CDH13: variants seen among roughly 807,000 people sequenced by gnomAD.
The protein encoded by CDH13 is cadherin-13.
Under a neutral mutation model 63.8 loss-of-function variants are expected in CDH13, and 24 were observed. The observed-to-expected ratio is 0.38, with a 90% CI of 0.27 to 0.53. CDH13 has a LOEUF of 0.53. Ranked by LOEUF, CDH13 falls within the 20% of genes least tolerant of loss-of-function variation. The pLI is 0.85. For synonymous variants in CDH13, 503 were observed against 355.3 expected, an observed-to-expected ratio of 1.42 and a Z score of -4.67; for missense variants, 1,049 against 903.1, an observed-to-expected ratio of 1.16 and a Z score of -2.07.
intron 10 of CDH13, among the ~76,000 whole-genome samples, chr16:83,683,454 T>G (rs1255710292): frequency 6.6e-6 from 1 of 152,222 alleles, no homozygotes; most frequent in African/African-American, 2.4e-5. Context: ...ATTCTGTTTT[T>G]CATTACCAAA....
intron 1 of CDH13, among the ~76,000 whole-genome samples, chr16:82,857,165 C>T (rs916199934): frequency 3.3e-5 from 5 of 152,196 alleles, no homozygotes; most frequent in African/African-American, 9.7e-5. Flanking sequence ...ATGCTGGCTT[C>T]ACCCATTCCA....
intron 7 of CDH13, among the ~76,000 whole-genome samples, chr16:83,535,483 G>C (rs556666778): frequency 6.6e-6 from 1 of 152,224 alleles, no homozygotes; most frequent in Non-Finnish European, 1.5e-5. Flanking sequence ...GCAAAGGTTA[G>C]TGTGTGACCG....
chr16:83,287,908 TA>T (rs1396169695), intron 5 of CDH13, among the ~76,000 whole-genome samples: 1 of 152,136 alleles, frequency 6.6e-6, no homozygotes, highest in Non-Finnish European at 1.5e-5. Flanking sequence ...CCATGAGAAG[TA>T]AAATGTTAAA....
At chr16:83,756,820 G>C (rs1913548294) in intron 11 of CDH13, among the ~76,000 whole-genome samples, 2 of 152,282 alleles carry the variant, frequency 1.3e-5, no homozygotes, top group Admixed American at 1.3e-4. Flanking sequence ...AAGAGAAGTA[G>C]ACAAATCTAC....
At chr16:83,091,279 A>G (rs1366300114) in intron 3 of CDH13, among the ~76,000 whole-genome samples, 1 of 151,982 alleles carries the variant, frequency 6.6e-6, no homozygotes, top group Non-Finnish European at 1.5e-5. Context: ...AGAAAAAAAA[A>G]AATTCCATGA....
chr16:83,215,469 A>T (rs923505109), intron 4 of CDH13, among the ~76,000 whole-genome samples: 1 of 148,438 alleles, frequency 6.7e-6, no homozygotes, highest in Non-Finnish European at 1.5e-5. Flanking sequence ...GTCAACACTC[A>T]GTGTATTTTA....
At chr16:83,080,012 C>A (rs558063457) in intron 3 of CDH13, among the ~76,000 whole-genome samples, 4 of 152,196 alleles carry the variant, frequency 2.6e-5, no homozygotes, top group Non-Finnish European at 4.4e-5. Context: ...ATAAAAATGA[C>A]ATATCTGTCT....
chr16:83,417,045 A>G (rs1014246439), intron 6 of CDH13, among the ~76,000 whole-genome samples: 1 of 152,234 alleles, frequency 6.6e-6, no homozygotes. Context: ...AGTGCTTTAC[A>G]GGGATTATTT....
intron 10 of CDH13, among the ~76,000 whole-genome samples, chr16:83,716,364 C>A (rs1260693207): frequency 2.0e-5 from 3 of 152,194 alleles, no homozygotes; most frequent in Admixed American, 2.0e-4. Context: ...ATGCATCCAC[C>A]ATTGTAATAC....
chr16:82,866,051 G>A (rs898643074), intron 2 of CDH13, among the ~76,000 whole-genome samples: 37 of 152,218 alleles, frequency 2.4e-4, no homozygotes, highest in Admixed American at 1.4e-3. Flanking sequence ...GCAAAATGCC[G>A]CCAGTCTCTT....
intron 6 of CDH13, among the ~76,000 whole-genome samples, chr16:83,372,280 A>T (rs1236298361): frequency 2.6e-5 from 4 of 152,194 alleles, no homozygotes; most frequent in Admixed American, 6.5e-5. Context: ...AGAGATTCAA[A>T]TTCCAGAAGT....
rs574461719 is a variant in CDH13 at position 83,646,372 on chromosome 16, T to C, written c.1102-24418T>C. Reference sequence around the variant, plus strand: ...ACCATTCCACTAATAAGCTTTCTGTTGCTGCCGTTCTGCAGGGCTCAACTT... The same window carrying C: ...ACCATTCCACTAATAAGCTTTCTGTCGCTGCCGTTCTGCAGGGCTCAACTT... On this transcript the variant is annotated intron_variant, in intron 8 of 13. Transcript: ENST00000567109. Among the ~76,000 whole-genome samples the C allele has an allele frequency of 8.3e-4, 126 of 152,266 alleles. 1 individual carries two copies. Among genetic ancestry groups the C allele is most frequent in the African/African-American group, 2.9e-3 (119 of 41,550 alleles).
At chr16:83,122,953 C>T (rs2035651268) in intron 3 of CDH13, among the ~76,000 whole-genome samples, 1 of 152,096 alleles carries the variant, frequency 6.6e-6, no homozygotes, top group South Asian at 2.1e-4. Flanking sequence ...CCGAAGTCCC[C>T]ACTGTCTCTT....
intron 1 of CDH13, among the ~76,000 whole-genome samples, chr16:82,815,136 A>C (rs1269384566): frequency 6.6e-6 from 1 of 152,114 alleles, no homozygotes; most frequent in African/African-American, 2.4e-5. Context: ...ACCTGAATGC[A>C]CAGTAGGGTA....
chr16:83,329,845 G>C (rs969123450), intron 5 of CDH13, among the ~76,000 whole-genome samples: 1 of 152,178 alleles, frequency 6.6e-6, no homozygotes, highest in East Asian at 1.9e-4. Context: ...ATTGTAGCAT[G>C]TATCCAAATT....
intron 4 of CDH13, among the ~76,000 whole-genome samples, chr16:83,198,607 C>T (rs17675933): frequency 0.042 from 6,384 of 152,192 alleles, 222 homozygotes; most frequent in Non-Finnish European, 0.056. Context: ...GACTATTTGG[C>T]GACATATTTC....
Position 83,264,626 on chromosome 16 carries a change from C to G in CDH13, c.636+47129C>G, listed in dbSNP as rs79831330. On this transcript the variant is annotated intron_variant, in intron 5 of 13. Transcript: ENST00000567109. ...GACTAATGCAATAACTTTTAAGGTT[C>G]TTTTTGATTGAAGAAATATATGTAA... Among the ~76,000 whole-genome samples, 959 of 151,416 alleles carry G rather than the reference C, an allele frequency of 6.3e-3. 35 individuals carry two copies. The East Asian group carries it at 0.11, about 18-fold the overall frequency.
chr16:82,871,836 G>A (rs1403351190), intron 2 of CDH13, among the ~76,000 whole-genome samples: 3 of 152,122 alleles, frequency 2.0e-5, no homozygotes, highest in African/African-American at 7.2e-5. Flanking sequence ...CACTCTCAGA[G>A]GGTTTCCCTC....
intron 5 of CDH13, among the ~76,000 whole-genome samples, chr16:83,258,583 C>A (rs1281176877): frequency 6.6e-6 from 1 of 152,186 alleles, no homozygotes. Flanking sequence ...CAAATGTGCA[C>A]TGCGGACCAT....
Sources: allele counts gnomAD v4.1 joint callset (sites outside exome capture counted in the v4.1 genomes callset), GRCh38; gene constraint gnomAD v4.1.1; transcripts MANE v1.5; gene names NCBI Gene and HGNC (gene_info 2026-07-23, HGNC 2026-07-21).